RNF185: variants seen among roughly 807,000 people sequenced by gnomAD.
The protein encoded by RNF185 is ring finger protein 185, also known as E3 ubiquitin-protein ligase RNF185.
In RNF185, 13 loss-of-function variants were observed where a neutral mutation model predicts 24.9. That is an observed-to-expected ratio of 0.52 (90% CI 0.34 to 0.83). The LOEUF (loss-of-function observed/expected upper bound fraction) is 0.83. Among genes scored for constraint, RNF185 ranks in the 40% least tolerant of loss-of-function variants. The probability of loss-of-function intolerance (pLI) is 0.01; values close to 1 mark genes in which losing one functional copy is unlikely to be tolerated. For missense variants in RNF185, 184 were observed against 244.7 expected (o/e 0.75, Z 1.65); for synonymous variants, 79 against 90.3 (o/e 0.88, Z 0.71).
Position 31,195,578 on chromosome 22 carries a change from C to A in RNF185, c.305C>A (p.Pro102His). The A allele has an allele frequency of 6.3e-7, 1 of 1,599,816 alleles. No homozygotes were observed. ...AGGGGCAGCACTGGGCAACAGGACC[C>A]CAGGTGAGGACTCAGGATGCCTCTC... ...YGRGSTGQQD[P>H]REKTPPRPQG... Residue 102 changes from proline (P) to histidine (H), a missense_variant, in exon 4 of 7, where the codon CCC becomes CAC. By Grantham distance (77) the Pro-to-His change is moderately conservative. Coordinates refer to ENST00000326132, the MANE Select transcript of RNF185 (RefSeq NM_152267.4).
At chr22:31,181,732 T>C (rs2048038827) in intron 1 of RNF185, among the ~76,000 whole-genome samples, 5 of 152,032 alleles carry the variant, frequency 3.3e-5, no homozygotes, top group Admixed American at 1.3e-4. Flanking sequence ...GAAACCATCA[T>C]TCTCAGCAAA....
chr22:31,186,773 C>T (rs1281759294), intron 1 of RNF185, among the ~76,000 whole-genome samples: 1 of 152,158 alleles, frequency 6.6e-6, no homozygotes, highest in Non-Finnish European at 1.5e-5. Context: ...AGACAAGGTC[C>T]TGGTTCCTGT....
Position 31,170,044 on chromosome 22 carries a change from G to A in RNF185, c.-49+9741G>A, listed in dbSNP as rs117199285. Among the ~76,000 whole-genome samples, 7 of 152,274 alleles carry A rather than the reference G, an allele frequency of 4.6e-5. No homozygotes were observed. The East Asian group carries it at 1.3e-3, about 29-fold the overall frequency. On this transcript the variant is annotated intron_variant, in intron 1 of 6. Coordinates refer to ENST00000326132, the MANE Select transcript of RNF185 (RefSeq NM_152267.4). ...TCTGCTTCTGTGGAAATGGCCTAGGGGACTCACTGGCCATTCTGTCCTGGG... is the reference window on the plus strand; with the variant it reads ...TCTGCTTCTGTGGAAATGGCCTAGGAGACTCACTGGCCATTCTGTCCTGGG...
At chr22:31,194,963 T>G (rs1310991472) in intron 3 of RNF185, among the ~76,000 whole-genome samples, 1 of 145,078 alleles carries the variant, frequency 6.9e-6, no homozygotes, top group Non-Finnish European at 1.5e-5. Flanking sequence ...ATTTTTTTTC[T>G]TTTTTTTGAG....
chr22:31,189,062 C>T (rs1036647618), intron 2 of RNF185, among the ~76,000 whole-genome samples: 7 of 148,018 alleles, frequency 4.7e-5, no homozygotes, highest in African/African-American at 1.7e-4. Flanking sequence ...GGAGGCAGAG[C>T]TTGCAGCGAG....
chr22:31,168,185 A>T (rs1233427902), intron 1 of RNF185, among the ~76,000 whole-genome samples: 1 of 152,152 alleles, frequency 6.6e-6, no homozygotes, highest in Non-Finnish European at 1.5e-5. Flanking sequence ...GTAGAATCAT[A>T]CAGTATTTGT....
chr22:31,176,671 G>A (rs2047986145), intron 1 of RNF185, among the ~76,000 whole-genome samples: 1 of 151,406 alleles, frequency 6.6e-6, no homozygotes, highest in African/African-American at 2.4e-5. Context: ...TGTATTTTTA[G>A]TAGAGACGGG....
At chr22:31,169,660 C>T (rs1334174667) in intron 1 of RNF185, among the ~76,000 whole-genome samples, 4 of 152,142 alleles carry the variant, frequency 2.6e-5, no homozygotes, top group African/African-American at 7.2e-5. Context: ...AGTCCTCCCA[C>T]CTTTGCCTCT....
At chr22:31,177,169 A>G (rs1252320629) in intron 1 of RNF185, among the ~76,000 whole-genome samples, 1 of 151,860 alleles carries the variant, frequency 6.6e-6, no homozygotes, top group Non-Finnish European at 1.5e-5. Flanking sequence ...CTATGTACAC[A>G]CTTCTGTCAG....
intron 1 of RNF185, among the ~76,000 whole-genome samples, chr22:31,183,771 T>C (rs1313999125): frequency 6.6e-6 from 1 of 152,250 alleles, no homozygotes; most frequent in Admixed American, 6.5e-5. Context: ...TGGAGTCTGC[T>C]ATGTCTACTT....
At position 31,206,420 on chromosome 22, in the gene RNF185, C is replaced by T. The variant is rs190772433; in HGVS notation, c.*1834C>T. On this transcript the variant is annotated 3_prime_UTR_variant, in exon 7 of 7. Coordinates refer to ENST00000326132, the MANE Select transcript of RNF185 (RefSeq NM_152267.4). ...TGGAAATCCGCAAAGTTGCAGGGGC[C>T]TCTGGAGTGTCTCTTCTCTAGAGAG... 444 of 152,568 alleles carry T rather than the reference C, an allele frequency of 2.9e-3. 1 individual carries two copies. The highest frequency in any genetic ancestry group is 4.3e-3 in the Non-Finnish European group (296 of 68,062). 9.5% of individuals were successfully genotyped at this position (152,568 alleles called of 1,614,324 possible). A position where few individuals can be genotyped will look rare whatever the true frequency, so the allele number is the denominator to read the frequency against.
intron 1 of RNF185, among the ~76,000 whole-genome samples, chr22:31,184,260 C>T (rs13057841): frequency 0.39 from 58,228 of 151,004 alleles, 12,929 homozygotes; most frequent in Middle Eastern, 0.58. Context: ...GGCAGAGACA[C>T]TCCTCAGTTC....
intron 2 of RNF185, 112 bp downstream of exon 2, chr22:31,187,382 C>A: frequency 2.6e-6 from 3 of 1,173,154 alleles, no homozygotes; most frequent in Admixed American, 2.4e-5. Context: ...TACACTCAGG[C>A]TCAAGGGACA....
At chr22:31,174,373 A>G (rs1178131884) in intron 1 of RNF185, among the ~76,000 whole-genome samples, 2 of 88,060 alleles carry the variant, frequency 2.3e-5, no homozygotes, top group Non-Finnish European at 2.3e-5. Context: ...TCACTCTTTA[A>G]AAAAAATTTT....
intron 1 of RNF185, among the ~76,000 whole-genome samples, chr22:31,182,438 C>A (rs2048048585): frequency 6.6e-6 from 1 of 152,106 alleles, no homozygotes; most frequent in Non-Finnish European, 1.5e-5. Flanking sequence ...TAGACATGCA[C>A]CACCACACCC....
Position 31,192,680 on chromosome 22 carries a change from G to A in RNF185, c.177-4G>A. On this transcript the variant is annotated splice_polypyrimidine_tract_variant and splice_region_variant and intron_variant, in intron 2 of 6. Transcript: ENST00000326132. The stretch of plus-strand genomic sequence containing the variant: ...ATGACTGGTTGCCCTGGGGACTCTG[G>A]CAGTTGGCCGTGTTTACATCAGGTA... The A allele has an allele frequency of 6.2e-7, 1 of 1,613,698 alleles. No homozygotes were observed. The highest frequency in any genetic ancestry group is 8.5e-7 in the Non-Finnish European group (1 of 1,179,726).
intron 1 of RNF185, among the ~76,000 whole-genome samples, chr22:31,182,196 C>T (rs904969354): frequency 6.6e-6 from 1 of 150,942 alleles, no homozygotes; most frequent in African/African-American, 2.4e-5. Context: ...ACTGCAGCCT[C>T]CACCTCCCAG....
chr22:31,178,830 A>C (rs764330914), intron 1 of RNF185, among the ~76,000 whole-genome samples: 1 of 152,232 alleles, frequency 6.6e-6, no homozygotes, highest in Non-Finnish European at 1.5e-5. Flanking sequence ...CAAAAGTTAC[A>C]ACATTGCACG....
rs142339625 is a variant in RNF185 at position 31,177,123 on chromosome 22, G to T, written c.-48-9924G>T. Among the ~76,000 whole-genome samples the T allele has an allele frequency of 2.4e-4, 37 of 152,164 alleles. No individual in the cohort carries two copies. In the East Asian group the frequency reaches 2.7e-3, roughly 11 times the overall value. On this transcript the variant is annotated intron_variant, in intron 1 of 6. Transcript: ENST00000326132. ...ATTATGCACTTGTTCCTTGTACTGTGTCTACATCCTCCCCAGCATTCCCTG... is the reference window on the plus strand; with the variant it reads ...ATTATGCACTTGTTCCTTGTACTGTTTCTACATCCTCCCCAGCATTCCCTG...
Sources: allele counts gnomAD v4.1 joint callset (sites outside exome capture counted in the v4.1 genomes callset), GRCh38; gene constraint gnomAD v4.1.1; transcripts MANE v1.5; gene names NCBI Gene and HGNC (gene_info 2026-07-23, HGNC 2026-07-21).